Variants in DHRSX observed in about 807,000 individuals in gnomAD.
The protein encoded by DHRSX is polyprenol dehydrogenase.
Under a neutral mutation model 34.0 loss-of-function variants are expected in DHRSX, and 31 were observed. The ratio of observed to expected loss-of-function variants is 0.91; its 90% confidence interval spans 0.69 to 1.23. The LOEUF (loss-of-function observed/expected upper bound fraction) is 1.23, where lower values mean the gene tolerates loss of function less well. Among genes scored for constraint, DHRSX ranks in the 50% most tolerant of loss-of-function variants. The pLI is 0.00. For missense variants in DHRSX, 414 were observed against 428.1 expected (o/e 0.97, Z 0.29); for synonymous variants, 201 against 183.8 (o/e 1.09, Z -0.76).
intron 1 of DHRSX, among the ~76,000 whole-genome samples, chrX:2,479,525 G>A (rs748050189): frequency 4.2e-4 from 63 of 150,706 alleles, no homozygotes; most frequent in South Asian, 2.5e-3. Context: ...GTAAGAATGC[G>A]ACCAGGGGAC....
chrX:2,299,584 G>T (rs1264072998), intron 3 of DHRSX, among the ~76,000 whole-genome samples: 1 of 152,124 alleles, frequency 6.6e-6, no homozygotes, highest in Non-Finnish European at 1.5e-5. Flanking sequence ...GCCGGGTGTG[G>T]TGGCTCATGC....
intron 1 of DHRSX, among the ~76,000 whole-genome samples, chrX:2,461,794 C>A (rs763940118): frequency 2.0e-5 from 3 of 152,040 alleles, no homozygotes; most frequent in Non-Finnish European, 4.4e-5. Flanking sequence ...CCAACTCCCA[C>A]GCTCAAGTGA....
Position 2,326,509 on chromosome X carries a change from C to T in DHRSX, c.287-34906G>A, listed in dbSNP as rs775933303. Among the ~76,000 whole-genome samples the T allele has an allele frequency of 3.3e-5, 5 of 152,060 alleles. No homozygotes were observed. In the South Asian group the frequency reaches 8.3e-4, roughly 25 times the overall value. Reference sequence around the variant, plus strand: ...CTGCACTCCAGCCTGAGTGACAGAGCGAGACTCTGTCTCAAAAAACAACAA... The same window carrying T: ...CTGCACTCCAGCCTGAGTGACAGAGTGAGACTCTGTCTCAAAAAACAACAA... On this transcript the variant is annotated intron_variant, in intron 3 of 6. Transcript: ENST00000334651.
chrX:2,354,050 G>A (rs188064444), intron 3 of DHRSX, among the ~76,000 whole-genome samples: 7,300 of 152,068 alleles, frequency 0.048, 825 homozygotes, highest in East Asian at 0.37. Flanking sequence ...CTGGGGAGGA[G>A]GAGGAGACAC....
At chrX:2,273,008 C>T (rs1231012522) in intron 4 of DHRSX, among the ~76,000 whole-genome samples, 1 of 152,188 alleles carries the variant, frequency 6.6e-6, no homozygotes, top group Non-Finnish European at 1.5e-5. Context: ...CATGGTGGCT[C>T]ACGCCTGTCA....
chrX:2,346,668 T>TTGTTG (rs2042718438), intron 3 of DHRSX, among the ~76,000 whole-genome samples: 2 of 136,182 alleles, frequency 1.5e-5, no homozygotes, highest in African/African-American at 6.6e-5. Flanking sequence ...TGTTGTTGTT[T>TTGTTG]AATACTTTAA....
In DHRSX at chrX:2,292,036, G is replaced by A. The variant is rs146935393; in HGVS notation, c.287-433C>T. 7.1e-3 allele frequency among the ~76,000 whole-genome samples: 1,078 copies of A among 151,814 alleles called. 9 individuals are homozygous for A. Among genetic ancestry groups the A allele is most frequent in the African/African-American group, 0.025 (1,027 of 41,374 alleles). ...ATTACAGGCGTGAGCCACCACGCCTGTCCAGGAAGTAACACTGAATTGGAC... is the reference window on the plus strand; with the variant it reads ...ATTACAGGCGTGAGCCACCACGCCTATCCAGGAAGTAACACTGAATTGGAC... On this transcript the variant is annotated intron_variant, in intron 3 of 6. Transcript: ENST00000334651.
intron 3 of DHRSX, among the ~76,000 whole-genome samples, chrX:2,389,188 G>C (rs1465911609): frequency 6.6e-6 from 1 of 152,160 alleles, no homozygotes; most frequent in African/African-American, 2.4e-5. Flanking sequence ...CTGTTACCGG[G>C]ACATAGGGTA....
chrX:2,470,758 G>T (rs148402264), intron 1 of DHRSX, among the ~76,000 whole-genome samples: 1 of 151,290 alleles, frequency 6.6e-6, no homozygotes, highest in Non-Finnish European at 1.5e-5. Context: ...TAAAACAAAT[G>T]AATTCCAAGT....
In DHRSX at chrX:2,409,435, C is replaced by G. The variant is rs146863024; in HGVS notation, c.218-622G>C. On this transcript the variant is annotated intron_variant, in intron 2 of 6. Transcript: ENST00000334651. Reference sequence around the variant, plus strand: ...GCTCTCCCTGCCCTGCCCCCTCAACCCCTCGACAGGCCCTGGTGTGGGATG... The same window carrying G: ...GCTCTCCCTGCCCTGCCCCCTCAACGCCTCGACAGGCCCTGGTGTGGGATG... Among the ~76,000 whole-genome samples, 398 of 152,294 alleles carry G rather than the reference C, an allele frequency of 2.6e-3. 5 individuals are homozygous for G. The highest frequency in any genetic ancestry group is 4.8e-3 in the South Asian group (23 of 4,830).
intron 3 of DHRSX, among the ~76,000 whole-genome samples, chrX:2,305,369 G>A (rs1462996867): frequency 1.3e-5 from 2 of 152,128 alleles, no homozygotes; most frequent in Non-Finnish European, 2.9e-5. Flanking sequence ...TGGAGAAACA[G>A]GAATGCTTTT....
chrX:2,304,382 T>C (rs191225269), intron 3 of DHRSX, among the ~76,000 whole-genome samples: 79 of 152,044 alleles, frequency 5.2e-4, no homozygotes, highest in Non-Finnish European at 9.3e-4. Context: ...GATGAATTGA[T>C]AGATGGGTAG....
chrX:2,343,859 T>C (rs949100761), intron 3 of DHRSX, among the ~76,000 whole-genome samples: 12 of 152,200 alleles, frequency 7.9e-5, no homozygotes, highest in African/African-American at 2.9e-4. Flanking sequence ...TTAGTATGTA[T>C]AGGTTGCAAT....
chrX:2,388,133 C>G (rs766205176), intron 3 of DHRSX, among the ~76,000 whole-genome samples: 218 of 152,110 alleles, frequency 1.4e-3, no homozygotes, highest in African/African-American at 5.0e-3. Context: ...TGTCCTTGGT[C>G]TTACTCAAAG....
chrX:2,301,725 ACCTCCTGGATTCAACCAATTCT>A (rs1353046659), intron 3 of DHRSX, among the ~76,000 whole-genome samples: 1 of 151,660 alleles, frequency 6.6e-6, no homozygotes, highest in East Asian at 1.9e-4. Flanking sequence ...TGCAACCTCC[ACCTCCTGGATTCAACCAATTCT>A]CCTGCCTCAG....
At chrX:2,484,503 A>G (rs1212974533) in intron 1 of DHRSX, among the ~76,000 whole-genome samples, 2 of 152,178 alleles carry the variant, frequency 1.3e-5, no homozygotes, top group Non-Finnish European at 2.9e-5. Context: ...AGTTGCTCAG[A>G]AAGGAACTCA....
At chrX:2,380,813 C>T (rs1178747503) in intron 3 of DHRSX, among the ~76,000 whole-genome samples, 3 of 152,130 alleles carry the variant, frequency 2.0e-5, no homozygotes, top group Non-Finnish European at 4.4e-5. Flanking sequence ...TGTGTCCTCT[C>T]GAAATCCCCA....
intron 1 of DHRSX, among the ~76,000 whole-genome samples, chrX:2,455,296 G>A (rs925278262): frequency 6.6e-6 from 1 of 151,994 alleles, no homozygotes; most frequent in Admixed American, 6.6e-5. Flanking sequence ...CTGCTGGAAG[G>A]TGGAGGGTGG....
At chrX:2,252,453 A>G (rs1162689146) in intron 5 of DHRSX, among the ~76,000 whole-genome samples, 1 of 152,216 alleles carries the variant, frequency 6.6e-6, no homozygotes, top group East Asian at 1.9e-4. Context: ...AGAGAGGCAA[A>G]GACTGGCTTT....
Sources: allele counts gnomAD v4.1 joint callset (sites outside exome capture counted in the v4.1 genomes callset), GRCh38; gene constraint gnomAD v4.1.1; transcripts MANE v1.5; gene names NCBI Gene and HGNC (gene_info 2026-07-23, HGNC 2026-07-21).